NTM: variants seen among roughly 807,000 people sequenced by gnomAD.
NTM encodes IgLON family member 2.
NTM carries 13 observed loss-of-function variants against 42.1 expected under a neutral mutation model. The observed-to-expected ratio is 0.31, with a 90% CI of 0.20 to 0.49. The LOEUF (loss-of-function observed/expected upper bound fraction) is 0.49, where lower values mean the gene tolerates loss of function less well. Ranked by LOEUF, NTM falls within the 20% of genes least tolerant of loss-of-function variation. The pLI is 0.99. For missense variants in NTM, 373 were observed against 452.8 expected, an observed-to-expected ratio of 0.82 and a Z score of 1.60; for synonymous variants, 187 against 179.2, an observed-to-expected ratio of 1.04 and a Z score of -0.35.
intron 1 of NTM, among the ~76,000 whole-genome samples, chr11:131,742,603 C>T (rs1243393280): frequency 6.7e-6 from 1 of 150,008 alleles, no homozygotes; most frequent in Non-Finnish European, 1.5e-5. Flanking sequence ...TATTAAAGAG[C>T]ACTTATGTCA....
At chr11:132,109,948 C>T (rs565728080) in intron 2 of NTM, among the ~76,000 whole-genome samples, 3 of 152,320 alleles carry the variant, frequency 2.0e-5, no homozygotes, top group Middle Eastern at 6.8e-3. Context: ...CTTCTGTCCC[C>T]CAGTCCTCCA....
At chr11:132,097,905 G>A (rs975421707) in intron 2 of NTM, among the ~76,000 whole-genome samples, 2 of 152,216 alleles carry the variant, frequency 1.3e-5, no homozygotes, top group Non-Finnish European at 1.5e-5. Flanking sequence ...GGACTCATCC[G>A]TGATGCCCGT....
chr11:131,630,504 G>C (rs756566485), intron 1 of NTM, among the ~76,000 whole-genome samples: 2 of 152,072 alleles, frequency 1.3e-5, no homozygotes, highest in Admixed American at 6.5e-5. Flanking sequence ...TGCATGATAA[G>C]AGTTTACTGA....
At chr11:131,629,694 G>T (rs766267103) in intron 1 of NTM, among the ~76,000 whole-genome samples, 12 of 152,132 alleles carry the variant, frequency 7.9e-5, no homozygotes, top group Non-Finnish European at 1.6e-4. Flanking sequence ...ATTTACATTC[G>T]GTTGGTGCAG....
At chr11:132,266,195 G>A (rs1312312454) in intron 4 of NTM, among the ~76,000 whole-genome samples, 1 of 152,144 alleles carries the variant, frequency 6.6e-6, no homozygotes, top group Admixed American at 6.5e-5. Flanking sequence ...GGGAAGGAGG[G>A]ACAGGGATTG....
At chr11:131,989,394 C>T (rs1258391624) in intron 2 of NTM, among the ~76,000 whole-genome samples, 2 of 152,042 alleles carry the variant, frequency 1.3e-5, no homozygotes, top group African/African-American at 4.8e-5. Flanking sequence ...TTACTCATTG[C>T]AGAATTAAAT....
intron 1 of NTM, among the ~76,000 whole-genome samples, chr11:131,713,004 C>A (rs2077332917): frequency 6.6e-6 from 1 of 152,010 alleles, no homozygotes; most frequent in Non-Finnish European, 1.5e-5. Context: ...CCCGGTTGGT[C>A]AGGGGTGGAG....
chr11:131,440,056 G>A (rs137859386), intron 1 of NTM, among the ~76,000 whole-genome samples: 76 of 135,640 alleles, frequency 5.6e-4, no homozygotes, highest in African/African-American at 2.0e-3. Flanking sequence ...TTATTTTCTT[G>A]TTTTCTTTCT....
chr11:131,621,360 A>C (rs1266371411), intron 1 of NTM, among the ~76,000 whole-genome samples: 2 of 152,148 alleles, frequency 1.3e-5, no homozygotes, highest in Non-Finnish European at 2.9e-5. Context: ...CAGGAGATGA[A>C]GAGGGGAGAG....
intron 1 of NTM, chr11:131,663,119 C>G (rs1318282151): frequency 6.6e-6 from 1 of 152,204 alleles, no homozygotes; most frequent in African/African-American, 2.4e-5. Flanking sequence ...CACACAAACA[C>G]TGGCACGTGC....
At chr11:131,602,369 A>G (rs1362942395) in intron 1 of NTM, among the ~76,000 whole-genome samples, 1 of 152,162 alleles carries the variant, frequency 6.6e-6, no homozygotes, top group Non-Finnish European at 1.5e-5. Context: ...GGTGGTTAAT[A>G]CCAGTATCTT....
intron 1 of NTM, among the ~76,000 whole-genome samples, chr11:131,487,400 A>G (rs906127019): frequency 5.9e-5 from 9 of 152,210 alleles, no homozygotes; most frequent in Non-Finnish European, 1.2e-4. Flanking sequence ...TCCAGTTTCA[A>G]TGAAGGAAAT....
chr11:131,955,136 T>C (rs1281796035), intron 2 of NTM, among the ~76,000 whole-genome samples: 9 of 152,166 alleles, frequency 5.9e-5, no homozygotes, highest in Non-Finnish European at 8.8e-5. Flanking sequence ...CAAATTGCCC[T>C]TCAGGAAGGT....
At chr11:132,314,783 CCAGGGT>C in intron 7 of NTM, 80 bp downstream of exon 7, 2 of 1,485,364 alleles carry the variant, frequency 1.3e-6, no homozygotes, top group African/African-American at 2.8e-5. Flanking sequence ...CCCCTCAAGG[CCAGGGT>C]CAGAGGTTAG....
chr11:132,310,625 G>A (rs1246495458), intron 6 of NTM, among the ~76,000 whole-genome samples: 1 of 152,096 alleles, frequency 6.6e-6, no homozygotes, highest in Non-Finnish European at 1.5e-5. Context: ...CAGGGCCCTG[G>A]GAGTGGCTAA....
chr11:131,747,855 A>G (rs2135660875), intron 1 of NTM, among the ~76,000 whole-genome samples: 1 of 152,216 alleles, frequency 6.6e-6, no homozygotes, highest in South Asian at 2.1e-4. Flanking sequence ...CCTTAGCTTG[A>G]CAAGCTCCTC....
chr11:131,823,836 AGTT>A (rs1462697154), intron 1 of NTM, among the ~76,000 whole-genome samples: 1 of 152,212 alleles, frequency 6.6e-6, no homozygotes, highest in East Asian at 1.9e-4. Flanking sequence ...AAATGTAAAA[AGTT>A]GTTACTTTGG....
At chr11:131,859,604 G>A (rs1200574346) in intron 1 of NTM, among the ~76,000 whole-genome samples, 1 of 152,034 alleles carries the variant, frequency 6.6e-6, no homozygotes, top group African/African-American at 2.4e-5. Flanking sequence ...TTACTTTCCA[G>A]TTCTGTGACT....
At chr11:131,687,836 G>T (rs1161346456) in intron 1 of NTM, among the ~76,000 whole-genome samples, 2 of 151,936 alleles carry the variant, frequency 1.3e-5, no homozygotes, top group Non-Finnish European at 2.9e-5. Context: ...TAGATCTTTG[G>T]ATGGTTTCCA....
Sources: allele counts gnomAD v4.1 joint callset (sites outside exome capture counted in the v4.1 genomes callset), GRCh38; gene constraint gnomAD v4.1.1; transcripts MANE v1.5; gene names NCBI Gene and HGNC (gene_info 2026-07-23, HGNC 2026-07-21).